The following CHN2 variants were observed in gnomAD, a reference collection of about 807,000 sequenced individuals.
CHN2 encodes the protein chimerin 2, also known as beta-chimaerin.
CHN2 carries 35 observed loss-of-function variants against 56.3 expected under a neutral mutation model. The observed-to-expected ratio is 0.62, with a 90% CI of 0.47 to 0.82. The LOEUF (loss-of-function observed/expected upper bound fraction) is 0.82, where lower values mean the gene tolerates loss of function less well. Among genes scored for constraint, CHN2 ranks in the 40% least tolerant of loss-of-function variants. The pLI is 0.00. For missense variants in CHN2, 491 were observed against 580.5 expected, an observed-to-expected ratio of 0.85 and a Z score of 1.58; for synonymous variants, 210 against 212.8, an observed-to-expected ratio of 0.99 and a Z score of 0.12.
intron 1 of CHN2, among the ~76,000 whole-genome samples, chr7:29,240,847 T>G (rs1787615355): frequency 6.6e-6 from 1 of 151,914 alleles, no homozygotes; most frequent in Non-Finnish European, 1.5e-5. Context: ...TTCGTCTTCA[T>G]CTTCTTCTTT....
chr7:29,293,808 A>G (rs542218900), intron 1 of CHN2, among the ~76,000 whole-genome samples: 28 of 141,042 alleles, frequency 2.0e-4, no homozygotes, highest in African/African-American at 6.8e-4. Flanking sequence ...TTATGTATGT[A>G]TTTCATTTAT....
intron 6 of CHN2, chr7:29,445,287 C>A (rs1242012516): frequency 5.9e-6 from 2 of 339,266 alleles, no homozygotes; most frequent in Non-Finnish European, 1.2e-5. Context: ...CCCAAACAGG[C>A]CTATCTCATC....
chr7:29,449,039 C>T (rs1784222594), intron 6 of CHN2, among the ~76,000 whole-genome samples: 1 of 152,210 alleles, frequency 6.6e-6, no homozygotes, highest in African/African-American at 2.4e-5. Context: ...AGCTCATGGA[C>T]ATTACTGCTC....
Position 29,283,922 on chromosome 7 carries a change from C to CTTTTTTT in CHN2, c.50-70679_50-70673dup, listed in dbSNP as rs70980520. Among the ~76,000 whole-genome samples the CTTTTTTT allele has an allele frequency of 2.4e-3, 165 of 69,994 alleles. 18 individuals carry two copies. Among genetic ancestry groups the CTTTTTTT allele is most frequent in the African/African-American group, 4.8e-3 (75 of 15,704 alleles). The allele number at this position is 69,994 out of a possible 152,430, so 45.9% of individuals were successfully genotyped here. On this transcript the variant is annotated intron_variant, in intron 1 of 12. Coordinates refer to ENST00000222792, the MANE Select transcript of CHN2 (RefSeq NM_004067.4). ...AGGAGCCACCGTTCCCAGCCAAGCTCTTTTTTTTTTTTTTTTTTTTTTTTT... is the reference window on the plus strand; with the variant it reads ...AGGAGCCACCGTTCCCAGCCAAGCTCTTTTTTTTTTTTTTTTTTTTTTTTTTTTTTTT...
chr7:29,475,700 A>G (rs1441807896), intron 6 of CHN2, among the ~76,000 whole-genome samples: 1 of 152,282 alleles, frequency 6.6e-6, no homozygotes, highest in Non-Finnish European at 1.5e-5. Flanking sequence ...GGAATGAAGT[A>G]CTGATACATG....
chr7:29,160,360 G>T (rs549907450), intron 2 of CHN2, among the ~76,000 whole-genome samples: 1 of 152,242 alleles, frequency 6.6e-6, no homozygotes, highest in Admixed American at 6.5e-5. Context: ...CCTGTATGTG[G>T]CTGACAACGT....
chr7:29,357,389 T>G lies in CHN2; in HGVS notation c.88+2726T>G, dbSNP rs572391861. ...ACCACCAGTGAGGAAGAACTCTCTTTTGGTCATCCTGGATCCATGAGTTAT... is the reference window on the plus strand; with the variant it reads ...ACCACCAGTGAGGAAGAACTCTCTTGTGGTCATCCTGGATCCATGAGTTAT... On this transcript the variant is annotated intron_variant, in intron 2 of 12. Coordinates refer to ENST00000222792, the MANE Select transcript of CHN2 (RefSeq NM_004067.4). 6.6e-5 allele frequency among the ~76,000 whole-genome samples: 10 copies of G among 152,338 alleles called. No individual in the cohort carries two copies. The South Asian group carries it at 2.1e-3, about 32-fold the overall frequency.
intron 2 of CHN2, among the ~76,000 whole-genome samples, chr7:29,163,748 A>G (rs1042152785): frequency 6.6e-6 from 1 of 152,170 alleles, no homozygotes; most frequent in East Asian, 1.9e-4. Flanking sequence ...ATTACTATAG[A>G]TTAGCTTGCA....
At chr7:29,463,612 G>T (rs1785338997) in intron 6 of CHN2, among the ~76,000 whole-genome samples, 1 of 152,220 alleles carries the variant, frequency 6.6e-6, no homozygotes, top group African/African-American at 2.4e-5. Flanking sequence ...TTATCCATCA[G>T]ATGGCTTTAG....
chr7:29,387,831 T>C (rs1801042613), intron 3 of CHN2, among the ~76,000 whole-genome samples: 2 of 152,234 alleles, frequency 1.3e-5, no homozygotes, highest in South Asian at 4.1e-4. Context: ...AACTTTCGAA[T>C]CTTTGGTAAT....
chr7:29,359,714 AAAG>A (rs1363019549), intron 2 of CHN2, among the ~76,000 whole-genome samples: 13 of 152,236 alleles, frequency 8.5e-5, no homozygotes, highest in Non-Finnish European at 1.6e-4. Context: ...CAATGCTCTA[AAAG>A]AAGAGCTACT....
chr7:29,301,854 T>A (rs1328304029), intron 1 of CHN2, among the ~76,000 whole-genome samples: 1 of 152,130 alleles, frequency 6.6e-6, no homozygotes, highest in African/African-American at 2.4e-5. Context: ...AGGAAAAAAA[T>A]TTACAGAAAT....
At chr7:29,494,937 TA>T (rs1229736286) in intron 7 of CHN2, among the ~76,000 whole-genome samples, 1 of 30,366 alleles carries the variant, frequency 3.3e-5, no homozygotes, top group African/African-American at 1.3e-4. Flanking sequence ...TTTTGTTAAA[TA>T]AAAGCAGTTT....
rs747420543 is a variant in CHN2, at chr7:29,367,916, C to G, written c.89-16C>G. On this transcript the variant is annotated splice_polypyrimidine_tract_variant and intron_variant, in intron 2 of 12. Coordinates refer to ENST00000222792, the MANE Select transcript of CHN2 (RefSeq NM_004067.4). The stretch of plus-strand genomic sequence containing the variant: ...ATTCTAATTATTTCTCTCTCTCTCT[C>G]TCTCTTTTTTGGCAGTATATCAGTT... 75 of 1,606,814 alleles carry G rather than the reference C, an allele frequency of 4.7e-5. No homozygotes were observed. Among genetic ancestry groups the G allele is most frequent in the Non-Finnish European group, 5.9e-5 (69 of 1,176,946 alleles).
At chr7:29,408,049 G>A (rs189246497) in intron 6 of CHN2, among the ~76,000 whole-genome samples, 85 of 152,088 alleles carry the variant, frequency 5.6e-4, no homozygotes, top group African/African-American at 1.7e-3. Context: ...AATTAGCCAG[G>A]CACTGTGGCA....
At chr7:29,264,425 A>T (rs1301072452) in intron 1 of CHN2, among the ~76,000 whole-genome samples, 1 of 152,392 alleles carries the variant, frequency 6.6e-6, no homozygotes, top group East Asian at 1.9e-4. Context: ...GTGTCTGTGT[A>T]GAAAGAAGTA....
chr7:29,455,198 A>C (rs534325791), intron 6 of CHN2, among the ~76,000 whole-genome samples: 1 of 152,318 alleles, frequency 6.6e-6, no homozygotes, highest in African/African-American at 2.4e-5. Flanking sequence ...CTAAAAATGT[A>C]CTATGGGTTG....
At position 29,322,875 on chromosome 7, in the gene CHN2, C is replaced by T. The variant is rs533639950; in HGVS notation, c.50-31750C>T. Among the ~76,000 whole-genome samples the T allele has an allele frequency of 1.4e-4, 21 of 152,264 alleles. No homozygotes were observed. In the East Asian group the frequency reaches 4.1e-3, roughly 29 times the overall value. ...ACTTTTGGAGACCACTAGTGTGCTT[C>T]CTTGTGGCTGGGTGCGGTGGCTCAT... is the stretch of plus-strand genomic sequence containing the variant. On this transcript the variant is annotated intron_variant, in intron 1 of 12. Transcript: ENST00000222792.
chr7:29,308,282 C>CT (rs752998262), intron 1 of CHN2, among the ~76,000 whole-genome samples: 6 of 152,164 alleles, frequency 3.9e-5, no homozygotes, highest in Non-Finnish European at 2.9e-5. Context: ...TTTCCTCTGC[C>CT]TTGAATACCC....
Sources: gnomAD v4.1 joint callset for allele counts (sites outside exome capture counted in the v4.1 genomes callset) on GRCh38, gnomAD v4.1.1 for gene constraint, MANE v1.5 for transcripts, NCBI Gene and HGNC (gene_info 2026-07-23, HGNC 2026-07-21) for gene names.